The following MARVELD2 variants were observed in gnomAD, a reference collection of about 807,000 sequenced individuals.
MARVELD2 encodes MARVEL domain-containing protein 2.
In MARVELD2, 49 loss-of-function variants were observed where a neutral mutation model predicts 57.6. That is an observed-to-expected ratio of 0.85 (90% CI 0.68 to 1.08). The LOEUF is 1.08. MARVELD2 is among the 50% of genes least tolerant of loss of function. MARVELD2 has a pLI of 0.00. For synonymous variants in MARVELD2, 238 were observed against 258.8 expected (o/e 0.92, Z 0.77); for missense variants, 606 against 701.1 (o/e 0.86, Z 1.53).
At chr5:69,440,360 T>C (rs538079734) in intron 5 of MARVELD2, 90 bp from the exon 6 acceptor site, 1 of 682,260 alleles carries the variant, frequency 1.5e-6, no homozygotes, top group South Asian at 1.6e-5. Flanking sequence ...AGGTAAAAAT[T>C]ATTTTTTGTT....
At position 69,420,507 on chromosome 5, in the gene MARVELD2, T is replaced by C. The variant is rs377376788; in HGVS notation, c.1122T>C (p.His374=). The C allele has an allele frequency of 8.7e-6, 14 of 1,611,962 alleles. No individual in the cohort carries two copies. In the African/African-American group the frequency reaches 1.7e-4, roughly 20 times the overall value. The change falls in exon 2 of 7, where the codon CAT becomes CAC. Residue 374 remains histidine (H), a synonymous_variant. Coordinates refer to ENST00000325631, the MANE Select transcript of MARVELD2 (RefSeq NM_001038603.3). Reference sequence around the variant, plus strand: ...GGAGGCATGAGGCAGCTCGGAGACATAGAGAATATATGGAACAACAGGAGG... The same window carrying C: ...GGAGGCATGAGGCAGCTCGGAGACACAGAGAATATATGGAACAACAGGAGG... ...KLWRHEAARR[H]REYMEQQEIN... is the part of the protein sequence containing the mutation.
At chr5:69,423,673 A>G (rs1441268215) in intron 2 of MARVELD2, among the ~76,000 whole-genome samples, 2 of 151,854 alleles carry the variant, frequency 1.3e-5, no homozygotes, top group African/African-American at 4.8e-5. Flanking sequence ...GGGTCTTGCT[A>G]TGTTGCTCAG....
Position 69,433,409 on chromosome 5 carries a change from C to T in MARVELD2, c.1503+316C>T, listed in dbSNP as rs139928193. On this transcript the variant is annotated intron_variant, in intron 5 of 6. Transcript: ENST00000325631. ...TCAAGTGATCCACCTGCCTTGGCCT[C>T]CCAGAGTGCTGGGATTACAGTCATG... is the stretch of plus-strand genomic sequence containing the variant. 1.4e-3 allele frequency among the ~76,000 whole-genome samples: 210 copies of T among 150,664 alleles called. 6 individuals are homozygous for T. The East Asian group carries it at 0.04, about 29-fold the overall frequency.
At position 69,443,200 on chromosome 5, in the gene MARVELD2, CT is replaced by C. The variant is rs35672884; in HGVS notation, c.*1561del. Reference sequence around the variant, plus strand: ...AATGTAGCATTTCCTTGGAAACTCCCTTTTTTTTTTTTTTTGAGATGGAGTT... The same window carrying C: ...AATGTAGCATTTCCTTGGAAACTCCCTTTTTTTTTTTTTTGAGATGGAGTT... On this transcript the variant is annotated 3_prime_UTR_variant, in exon 7 of 7. Coordinates refer to ENST00000325631, the MANE Select transcript of MARVELD2 (RefSeq NM_001038603.3). The C allele has an allele frequency of 1.3e-3, 176 of 137,154 alleles. No homozygotes were observed. Among genetic ancestry groups the C allele is most frequent in the East Asian group, 1.5e-3 (7 of 4,664 alleles). The allele number at this position is 137,154 out of a possible 1,614,324, so 8.5% of individuals were successfully genotyped here.
chr5:69,440,899 A>T (rs971922307), intron 6 of MARVELD2, among the ~76,000 whole-genome samples: 2 of 152,192 alleles, frequency 1.3e-5, no homozygotes, highest in African/African-American at 4.8e-5. Context: ...CCTGGGCAAC[A>T]TGGCGAAACC....
In MARVELD2 at chr5:69,420,258, A is replaced by G; in HGVS notation, c.873A>G (p.Leu291=). Residue 291 remains leucine, a synonymous_variant, in exon 2 of 7, where the codon CTA becomes CTG. Transcript: ENST00000325631. ...TTCTGGACTCTAATTGGTGGCCCCT[A>G]ACTGAATTTGGAATTAACGTTGCCT... ...TILLDSNWWP[L]TEFGINVALF... is the part of the protein sequence containing the mutation. 1.2e-6 allele frequency: 2 copies of G among 1,614,058 alleles called. No homozygotes were observed. Among genetic ancestry groups the G allele is most frequent in the Admixed American group, 3.3e-5 (2 of 60,010 alleles).
rs377069120 is a variant in MARVELD2, at chr5:69,424,665, CT to C, written c.1182+32del. 4.9e-5 allele frequency: 75 copies of C among 1,534,796 alleles called. No individual in the cohort carries two copies. The East Asian group carries it at 1.6e-3, about 34-fold the overall frequency. ...AGAATAAAGTTTACTTCATATTATG[CT>C]TTAGATTTGTTAATACTTTTCTCTT... is the stretch of plus-strand genomic sequence containing the variant. On this transcript the variant is annotated intron_variant, in intron 3 of 6. Transcript: ENST00000325631.
At chr5:69,417,732 A>G (rs757299807) in intron 1 of MARVELD2, among the ~76,000 whole-genome samples, 15 of 152,080 alleles carry the variant, frequency 9.9e-5, no homozygotes, top group Non-Finnish European at 1.9e-4. Context: ...TTATGAGGTC[A>G]GGAGATCAAG....
At chr5:69,431,436 C>T (rs1766961047) in intron 3 of MARVELD2, among the ~76,000 whole-genome samples, 1 of 152,140 alleles carries the variant, frequency 6.6e-6, no homozygotes, top group Non-Finnish European at 1.5e-5. Context: ...TTCTAATCCA[C>T]TCAGTGGTTA....
rs1387069163 is a variant in MARVELD2 at position 69,442,736 on chromosome 5, TC to T, written c.*1085del. On this transcript the variant is annotated 3_prime_UTR_variant, in exon 7 of 7. Transcript: ENST00000325631. ...GTGGCCCCTGGGGTTCCACATGGCC[TC>T]CCTGTCTTTCATCAGTGTGACTGTA... 6.6e-6 allele frequency: 1 copy of T among 151,996 alleles called. No homozygotes were observed. Among genetic ancestry groups the T allele is most frequent in the Non-Finnish European group, 1.5e-5 (1 of 68,064 alleles). The allele number at this position is 151,996 out of a possible 1,614,324, so 9.4% of individuals were successfully genotyped here.
At chr5:69,424,558 T>A in intron 2 of MARVELD2, 43 bp from the exon 3 acceptor site, 1 of 1,546,216 alleles carries the variant, frequency 6.5e-7, no homozygotes, top group South Asian at 1.1e-5. Context: ...GCAAAGTAGC[T>A]TCACATGCCT....
At chr5:69,423,104 C>T (rs1321456720) in intron 2 of MARVELD2, among the ~76,000 whole-genome samples, 1 of 152,106 alleles carries the variant, frequency 6.6e-6, no homozygotes, top group African/African-American at 2.4e-5. Context: ...CCATGTTGGC[C>T]AGGCTGATCT....
Position 69,419,879 on chromosome 5 carries a change from A to G in MARVELD2, c.494A>G (p.His165Arg), listed in dbSNP as rs727503157. Residue 165 changes from histidine (H) to arginine (R), a missense_variant, in exon 2 of 7, where the codon CAC becomes CGC. Physicochemically the swap from His to Arg is conservative, Grantham distance 29. Coordinates refer to ENST00000325631, the MANE Select transcript of MARVELD2 (RefSeq NM_001038603.3). The part of the protein sequence containing the change: ...PRDPYGSLDR[H>R]TQTVRTYSEK... ...GATCCCTATGGATCTCTAGACCGAC[A>G]CACACAAACAGTTCGAACATACAGT... 6 of 1,614,178 alleles carry G rather than the reference A, an allele frequency of 3.7e-6. No homozygotes were observed. Among genetic ancestry groups the G allele is most frequent in the East Asian group, 4.5e-5 (2 of 44,888 alleles).
intron 5 of MARVELD2, among the ~76,000 whole-genome samples, chr5:69,436,464 T>G (rs1363634302): frequency 6.7e-6 from 1 of 148,334 alleles, no homozygotes; most frequent in Non-Finnish European, 1.5e-5. Flanking sequence ...TATATATAAA[T>G]TTTTTACCTG....
chr5:69,439,073 A>G (rs1292466577), intron 5 of MARVELD2, among the ~76,000 whole-genome samples: 2 of 151,288 alleles, frequency 1.3e-5, no homozygotes, highest in African/African-American at 4.8e-5. Flanking sequence ...AAAAAAAAAA[A>G]AAAAAAAAGA....
chr5:69,426,121 C>T (rs1766784513), intron 3 of MARVELD2, among the ~76,000 whole-genome samples: 2 of 151,814 alleles, frequency 1.3e-5, no homozygotes, highest in African/African-American at 2.4e-5. Context: ...TGTGTGGCAG[C>T]AGACAAATTA....
chr5:69,427,474 G>C (rs1053283899), intron 3 of MARVELD2, among the ~76,000 whole-genome samples: 17 of 151,534 alleles, frequency 1.1e-4, no homozygotes, highest in African/African-American at 3.4e-4. Context: ...GCTGTGGCAC[G>C]ATCTCGGCTC....
chr5:69,442,792 G>A lies in MARVELD2; in HGVS notation c.*1138G>A, dbSNP rs1321845515. 3.3e-5 allele frequency: 5 copies of A among 150,280 alleles called. No homozygotes were observed. In the East Asian group the frequency reaches 9.8e-4, roughly 29 times the overall value. The allele number at this position is 150,280 out of a possible 1,614,324, so 9.3% of individuals were successfully genotyped here. A position where few individuals can be genotyped will look rare whatever the true frequency, so the allele number is the denominator to read the frequency against. On this transcript the variant is annotated 3_prime_UTR_variant, in exon 7 of 7. Coordinates refer to ENST00000325631, the MANE Select transcript of MARVELD2 (RefSeq NM_001038603.3). ...TCTCCATCTCCCCATAGTCCAGCCT[G>A]CCCTGGACACATTGAATTGTATGAA... is the stretch of plus-strand genomic sequence containing the variant.
At chr5:69,434,775 C>T (rs758055928) in intron 5 of MARVELD2, among the ~76,000 whole-genome samples, 3 of 152,162 alleles carry the variant, frequency 2.0e-5, no homozygotes, top group Non-Finnish European at 4.4e-5. Context: ...CGGCTCACTG[C>T]AACCTCTGCC....
Sources: gnomAD v4.1 joint callset for allele counts (sites outside exome capture counted in the v4.1 genomes callset) on GRCh38, gnomAD v4.1.1 for gene constraint, MANE v1.5 for transcripts, NCBI Gene and HGNC (gene_info 2026-07-23, HGNC 2026-07-21) for gene names.